UBE2K: variants seen among roughly 807,000 people sequenced by gnomAD.
UBE2K encodes the protein ubiquitin conjugating enzyme E2 K, also known as ubiquitin-conjugating enzyme E2 K.
In UBE2K, 6 loss-of-function variants were observed where a neutral mutation model predicts 30.0. That is an observed-to-expected ratio of 0.20 (90% CI 0.11 to 0.39). The LOEUF is 0.39. Among genes scored for constraint, UBE2K ranks in the 10% least tolerant of loss-of-function variants. The probability of loss-of-function intolerance (pLI) is 1.00; values close to 1 mark genes in which losing one functional copy is unlikely to be tolerated. For missense variants in UBE2K, 61 were observed against 241.6 expected (o/e 0.25, Z 4.96); for synonymous variants, 86 against 83.7 (o/e 1.03, Z -0.15).
At position 39,756,180 on chromosome 4, in the gene UBE2K, A is replaced by G. The variant is rs970325080; in HGVS notation, c.299+441A>G. Reference sequence around the variant, plus strand: ...CTAACAAGGAGCACCTTTGTAGGTGATGTCTTCATTTGGATAGCGGTATTG... The same window carrying G: ...CTAACAAGGAGCACCTTTGTAGGTGGTGTCTTCATTTGGATAGCGGTATTG... On this transcript the variant is annotated intron_variant, in intron 4 of 6. Coordinates refer to ENST00000261427, the MANE Select transcript of UBE2K (RefSeq NM_005339.5). 2.0e-4 allele frequency among the ~76,000 whole-genome samples: 30 copies of G among 152,188 alleles called. 1 individual carries two copies. The highest frequency in any genetic ancestry group is 7.2e-4 in the African/African-American group (30 of 41,438).
rs1292690567 is a variant in UBE2K at position 39,703,383 on chromosome 4, A to G, written c.63+4993A>G. Reference sequence around the variant, plus strand: ...AAAAAAATCAGCCAGGCCTGGTGGTATGTGCCTATAGTGGCAGCTACTCGG... The same window carrying G: ...AAAAAAATCAGCCAGGCCTGGTGGTGTGTGCCTATAGTGGCAGCTACTCGG... On this transcript the variant is annotated intron_variant, in intron 1 of 6. Coordinates refer to ENST00000261427, the MANE Select transcript of UBE2K (RefSeq NM_005339.5). Among the ~76,000 whole-genome samples, 3 of 152,098 alleles carry G rather than the reference A, an allele frequency of 2.0e-5. No individual in the cohort carries two copies. The East Asian group carries it at 5.8e-4, about 29-fold the overall frequency.
chr4:39,770,269 G>T lies in UBE2K; in HGVS notation c.300-4565G>T. 1.9e-6 allele frequency: 3 copies of T among 1,611,764 alleles called. No individual in the cohort carries two copies. In the African/African-American group the frequency reaches 4.0e-5, roughly 21 times the overall value. On this transcript the variant is annotated intron_variant, in intron 4 of 6. Coordinates refer to ENST00000261427, the MANE Select transcript of UBE2K (RefSeq NM_005339.5). ...AGGTGGTCGTGCAGGGTGGACTTCT[G>T]TGTGAAGCACTTGCCGCAGATGCCG...
Position 39,719,168 on chromosome 4 carries a change from A to G in UBE2K, c.64-18252A>G, listed in dbSNP as rs28610924. Among the ~76,000 whole-genome samples the G allele has an allele frequency of 5.9e-3, 897 of 152,358 alleles. 7 individuals are homozygous for G. Among genetic ancestry groups the G allele is most frequent in the African/African-American group, 0.02 (851 of 41,580 alleles). ...TTCAGTCTCCCTCAAACCTTCAGCA[A>G]TACAAAATTGCTTGCTATTTAGTTG... On this transcript the variant is annotated intron_variant, in intron 1 of 6. Transcript: ENST00000261427.
At chr4:39,706,622 C>T (rs1718382536) in intron 1 of UBE2K, among the ~76,000 whole-genome samples, 1 of 151,314 alleles carries the variant, frequency 6.6e-6, no homozygotes. Context: ...CAGGCGCGCC[C>T]CACCGCCCAG....
At chr4:39,773,964 A>G (rs1473292899) in intron 4 of UBE2K, among the ~76,000 whole-genome samples, 1 of 152,064 alleles carries the variant, frequency 6.6e-6, no homozygotes, top group Non-Finnish European at 1.5e-5. Context: ...CTTGGCAACA[A>G]GAAAAACAAG....
At chr4:39,718,874 C>T (rs189790468) in intron 1 of UBE2K, among the ~76,000 whole-genome samples, 8 of 152,378 alleles carry the variant, frequency 5.3e-5, no homozygotes, top group East Asian at 3.9e-4. Context: ...GGTTCCCACC[C>T]GTGCCTCTCC....
intron 4 of UBE2K, chr4:39,771,225 C>T (rs762538774): frequency 6.2e-6 from 10 of 1,612,330 alleles, no homozygotes; most frequent in Non-Finnish European, 7.6e-6. Context: ...TCAGGGAGAC[C>T]TGCAGCTCCG....
chr4:39,778,509 T>C lies in UBE2K; in HGVS notation c.*75T>C. 1.0e-6 allele frequency: 1 copy of C among 984,050 alleles called. No homozygotes were observed. The highest frequency in any genetic ancestry group is 1.6e-6 in the Non-Finnish European group (1 of 643,690). The allele number at this position is 984,050 out of a possible 1,614,324, so 61.0% of individuals were successfully genotyped here. A position where few individuals can be genotyped will look rare whatever the true frequency, so the allele number is the denominator to read the frequency against. On this transcript the variant is annotated 3_prime_UTR_variant, in exon 7 of 7. Transcript: ENST00000261427. Reference sequence around the variant, plus strand: ...CCAACATCTGTTATTTTTAGGATTCTGCATAGATTTCTTTTAAACTGGCAT... The same window carrying C: ...CCAACATCTGTTATTTTTAGGATTCCGCATAGATTTCTTTTAAACTGGCAT...
At chr4:39,712,083 A>G (rs1028913091) in intron 1 of UBE2K, among the ~76,000 whole-genome samples, 7 of 151,572 alleles carry the variant, frequency 4.6e-5, no homozygotes, top group African/African-American at 1.7e-4. Flanking sequence ...ATCTCAGGAA[A>G]AAAAGAGGAA....
chr4:39,731,190 G>A (rs1435067784), intron 1 of UBE2K, among the ~76,000 whole-genome samples: 1 of 151,536 alleles, frequency 6.6e-6, no homozygotes, highest in Non-Finnish European at 1.5e-5. Context: ...ACGGCGCCCG[G>A]CCATCTTGTA....
chr4:39,748,619 C>T (rs1435930425), intron 3 of UBE2K, among the ~76,000 whole-genome samples: 1 of 126,564 alleles, frequency 7.9e-6, no homozygotes, highest in Non-Finnish European at 1.6e-5. Context: ...GTCTCTAGTC[C>T]CAAAAAAAAA....
intron 4 of UBE2K, among the ~76,000 whole-genome samples, chr4:39,758,505 C>G (rs1711642959): frequency 6.6e-6 from 1 of 152,094 alleles, no homozygotes; most frequent in Non-Finnish European, 1.5e-5. Context: ...TGGTGAAACC[C>G]CATCTCTACC....
chr4:39,716,736 G>A (rs1719086318), intron 1 of UBE2K, among the ~76,000 whole-genome samples: 1 of 152,084 alleles, frequency 6.6e-6, no homozygotes, highest in Non-Finnish European at 1.5e-5. Context: ...GGTGGCTCAC[G>A]CCTGTAATCC....
At chr4:39,705,699 GT>G (rs547821749) in intron 1 of UBE2K, among the ~76,000 whole-genome samples, 1 of 152,032 alleles carries the variant, frequency 6.6e-6, no homozygotes, top group Non-Finnish European at 1.5e-5. Context: ...GTTTTGTTTT[GT>G]TTTTGTGACA....
At chr4:39,738,899 T>A (rs911266829) in intron 2 of UBE2K, among the ~76,000 whole-genome samples, 17 of 152,212 alleles carry the variant, frequency 1.1e-4, no homozygotes, top group African/African-American at 4.1e-4. Flanking sequence ...GGTCTTGAAC[T>A]TCTGACCTTA....
At chr4:39,712,550 C>G (rs1016205168) in intron 1 of UBE2K, among the ~76,000 whole-genome samples, 1 of 151,888 alleles carries the variant, frequency 6.6e-6, no homozygotes, top group Admixed American at 6.6e-5. Flanking sequence ...CTGCCTCAGC[C>G]TCCTGAGATT....
intron 1 of UBE2K, among the ~76,000 whole-genome samples, chr4:39,700,162 C>T (rs1404638925): frequency 2.0e-5 from 3 of 151,946 alleles, no homozygotes; most frequent in Admixed American, 6.6e-5. Flanking sequence ...TTAATGTGGT[C>T]TCTTTGCTTT....
chr4:39,779,927 G>A lies in UBE2K; in HGVS notation c.*1493G>A, dbSNP rs1292567313. ...TGGAAGATAATTTTTGAATCATAAC[G>A]TCAGCATAACTTCATTTGACTTCTC... On this transcript the variant is annotated 3_prime_UTR_variant, in exon 7 of 7. Coordinates refer to ENST00000261427, the MANE Select transcript of UBE2K (RefSeq NM_005339.5). 3 of 152,040 alleles carry A rather than the reference G, an allele frequency of 2.0e-5. No homozygotes were observed. The highest frequency in any genetic ancestry group is 6.6e-5 in the Admixed American group (1 of 15,266). 9.4% of individuals were successfully genotyped at this position (152,040 alleles called of 1,614,324 possible). A position where few individuals can be genotyped will look rare whatever the true frequency, so the allele number is the denominator to read the frequency against.
chr4:39,712,896 C>T (rs1257412631), intron 1 of UBE2K, among the ~76,000 whole-genome samples: 2 of 148,888 alleles, frequency 1.3e-5, no homozygotes, highest in African/African-American at 2.5e-5. Flanking sequence ...GACGGAGTCT[C>T]GCTTTGTCGC....
Sources: allele counts gnomAD v4.1 joint callset (sites outside exome capture counted in the v4.1 genomes callset), GRCh38; gene constraint gnomAD v4.1.1; transcripts MANE v1.5; gene names NCBI Gene and HGNC (gene_info 2026-07-23, HGNC 2026-07-21).